Variants in GABRB2 observed in about 807,000 individuals in gnomAD.
The protein encoded by GABRB2 is gamma-aminobutyric acid type A receptor subunit beta2.
Under a neutral mutation model 54.7 loss-of-function variants are expected in GABRB2, and 16 were observed. The observed-to-expected ratio is 0.29, with a 90% CI of 0.20 to 0.44. The LOEUF is 0.44. Among genes scored for constraint, GABRB2 ranks in the 20% least tolerant of loss-of-function variants. The pLI, the probability that GABRB2 is intolerant of heterozygous loss-of-function variation, is 1.00. For missense variants in GABRB2, 355 were observed against 644.0 expected (o/e 0.55, Z 4.86); for synonymous variants, 244 against 233.8 (o/e 1.04, Z -0.40).
At position 161,430,241 on chromosome 5, in the gene GABRB2, G is replaced by A. The variant is rs900340271; in HGVS notation, c.459-19184C>T. Among the ~76,000 whole-genome samples the A allele has an allele frequency of 3.3e-5, 5 of 152,182 alleles. No individual in the cohort carries two copies. The East Asian group carries it at 9.6e-4, about 29-fold the overall frequency. ...GTTAAGGATTTATTCCAGTCAGTAT[G>A]GAACTGTATGAGTACATGGCCACAG... is the stretch of plus-strand genomic sequence containing the variant. On this transcript the variant is annotated intron_variant, in intron 4 of 9. Coordinates refer to ENST00000393959, the MANE Select transcript of GABRB2 (RefSeq NM_001371727.1).
chr5:161,401,626 A>G (rs1294532377), intron 5 of GABRB2, among the ~76,000 whole-genome samples: 2 of 152,186 alleles, frequency 1.3e-5, no homozygotes, highest in African/African-American at 4.8e-5. Context: ...TAACCCATTA[A>G]TTTTACATTA....
intron 4 of GABRB2, among the ~76,000 whole-genome samples, chr5:161,429,954 A>T (rs1008720640): frequency 6.6e-6 from 1 of 152,190 alleles, no homozygotes; most frequent in Non-Finnish European, 1.5e-5. Context: ...TGCTCTTTAG[A>T]TTTTTAAAAA....
chr5:161,412,607 T>A (rs1204382287), intron 4 of GABRB2, among the ~76,000 whole-genome samples: 1 of 152,184 alleles, frequency 6.6e-6, no homozygotes, highest in African/African-American at 2.4e-5. Flanking sequence ...TGAGCCAGAG[T>A]CCTGGCTATA....
chr5:161,500,337 A>G (rs935798524), intron 3 of GABRB2, among the ~76,000 whole-genome samples: 7 of 152,160 alleles, frequency 4.6e-5, no homozygotes, highest in African/African-American at 9.6e-5. Flanking sequence ...CCACCCACAT[A>G]TAAAACAGAT....
intron 3 of GABRB2, among the ~76,000 whole-genome samples, chr5:161,488,269 A>G (rs1391847264): frequency 2.0e-5 from 3 of 151,188 alleles, no homozygotes; most frequent in African/African-American, 7.3e-5. Context: ...AAGGAACTTA[A>G]GACTCCAATC....
Position 161,405,399 on chromosome 5 carries a change from C to A in GABRB2, c.541+5576G>T, listed in dbSNP as rs183596699. Among the ~76,000 whole-genome samples the A allele has an allele frequency of 4.6e-5, 7 of 152,106 alleles. No homozygotes were observed. The East Asian group carries it at 1.4e-3, about 29-fold the overall frequency. The stretch of plus-strand genomic sequence containing the variant: ...GCTGCTACTTATGGAAATATCAGTA[C>A]CAAGCATTGCACAAAGATCTCTATC... On this transcript the variant is annotated intron_variant, in intron 5 of 9. Transcript: ENST00000393959.
At chr5:161,399,989 A>G (rs1324278698) in intron 5 of GABRB2, among the ~76,000 whole-genome samples, 1 of 152,190 alleles carries the variant, frequency 6.6e-6, no homozygotes, top group Non-Finnish European at 1.5e-5. Context: ...GCAGGGGTAG[A>G]TGGTAGATTC....
At chr5:161,356,531 C>A (rs1754633025) in intron 5 of GABRB2, among the ~76,000 whole-genome samples, 1 of 152,078 alleles carries the variant, frequency 6.6e-6, no homozygotes, top group Admixed American at 6.6e-5. Context: ...CTATCATATT[C>A]TTTTCTTAAA....
At chr5:161,444,193 T>C (rs1192390669) in intron 4 of GABRB2, among the ~76,000 whole-genome samples, 1 of 152,036 alleles carries the variant, frequency 6.6e-6, no homozygotes. Context: ...AAACACACAT[T>C]CCCTCTGAAG....
rs1407862838 is a variant in GABRB2, at chr5:161,294,296, G to C, written c.1324C>G (p.Arg442Gly). 6.2e-7 allele frequency: 1 copy of C among 1,614,074 alleles called. No individual in the cohort carries two copies. The highest frequency in any genetic ancestry group is 2.2e-5 in the East Asian group (1 of 44,876). Residue 442 changes from arginine to glycine, a missense_variant, in exon 10 of 10, where the codon CGG (arginine) becomes GGG (glycine). Physicochemically the swap from Arg to Gly is moderately radical, Grantham distance 125. Coordinates refer to ENST00000393959, the MANE Select transcript of GABRB2 (RefSeq NM_001371727.1). Reference protein sequence around the residue: ...LAYDASSIQYRKAGLPRHSFG... With the variant: ...LAYDASSIQYGKAGLPRHSFG... The stretch of plus-strand genomic sequence containing the variant: ...CTATGCCTGGGCAACCCAGCTTTCC[G>C]ATACTGGATGCTGGAGGCATCATAG...
chr5:161,515,825 C>T (rs1214088672), intron 3 of GABRB2, among the ~76,000 whole-genome samples: 2 of 152,070 alleles, frequency 1.3e-5, no homozygotes, highest in Non-Finnish European at 2.9e-5. Context: ...AGTCTACGGA[C>T]TAATCAACAG....
At position 161,540,838 on chromosome 5, in the gene GABRB2, CATT is replaced by C. The variant is rs573332908; in HGVS notation, c.237+4386_237+4388del. Among the ~76,000 whole-genome samples the C allele has an allele frequency of 6.2e-3, 937 of 151,344 alleles. 9 individuals are homozygous for C. The highest frequency in any genetic ancestry group is 0.02 in the African/African-American group (834 of 41,234). ...TTTGTTTGTTTTCTAATTGTAATCT[CATT>C]ATTATTATTATTATTATTATTTTGA... On this transcript the variant is annotated intron_variant, in intron 3 of 9. Coordinates refer to ENST00000393959, the MANE Select transcript of GABRB2 (RefSeq NM_001371727.1).
At chr5:161,489,756 C>T (rs1470196498) in intron 3 of GABRB2, among the ~76,000 whole-genome samples, 1 of 151,620 alleles carries the variant, frequency 6.6e-6, no homozygotes, top group African/African-American at 2.4e-5. Context: ...AAATGCTACC[C>T]AAAAATGTTT....
rs191448413 is a variant in GABRB2 at position 161,480,624 on chromosome 5, C to G, written c.238-20780G>C. ...AACAAACACAGGAAACAAATAACAG[C>G]TATTATGGAAACATATTAGCATTCC... On this transcript the variant is annotated intron_variant, in intron 3 of 9. Coordinates refer to ENST00000393959, the MANE Select transcript of GABRB2 (RefSeq NM_001371727.1). Among the ~76,000 whole-genome samples the G allele has an allele frequency of 2.6e-5, 4 of 152,082 alleles. No homozygotes were observed. In the East Asian group the frequency reaches 7.8e-4, roughly 30 times the overall value.
intron 5 of GABRB2, among the ~76,000 whole-genome samples, chr5:161,369,757 C>T (rs896825457): frequency 6.6e-6 from 1 of 152,024 alleles, no homozygotes; most frequent in Non-Finnish European, 1.5e-5. Flanking sequence ...ATGTTAATAT[C>T]GACCTGAAAT....
At chr5:161,395,560 T>A (rs1755970652) in intron 5 of GABRB2, among the ~76,000 whole-genome samples, 1 of 152,114 alleles carries the variant, frequency 6.6e-6, no homozygotes, top group Non-Finnish European at 1.5e-5. Context: ...CACATATAAG[T>A]ATCGCAATTG....
At chr5:161,301,053 A>C (rs1210478914) in intron 9 of GABRB2, among the ~76,000 whole-genome samples, 1 of 152,186 alleles carries the variant, frequency 6.6e-6, no homozygotes, top group Non-Finnish European at 1.5e-5. Flanking sequence ...TCCAATTCTA[A>C]AAATGAGGAA....
intron 3 of GABRB2, among the ~76,000 whole-genome samples, chr5:161,498,441 A>G (rs1759324226): frequency 6.6e-6 from 1 of 152,036 alleles, no homozygotes; most frequent in Non-Finnish European, 1.5e-5. Flanking sequence ...ATGACCCCGT[A>G]TTTTGGTTGA....
At chr5:161,535,560 G>A (rs1301541866) in intron 3 of GABRB2, among the ~76,000 whole-genome samples, 1 of 152,310 alleles carries the variant, frequency 6.6e-6, no homozygotes, top group Non-Finnish European at 1.5e-5. Context: ...GGCTAAGATT[G>A]AGAGATGTGA....
Sources: allele counts gnomAD v4.1 joint callset (sites outside exome capture counted in the v4.1 genomes callset), GRCh38; gene constraint gnomAD v4.1.1; transcripts MANE v1.5; gene names NCBI Gene and HGNC (gene_info 2026-07-23, HGNC 2026-07-21).